The following SLCO3A1 variants were observed in gnomAD, a reference collection of about 807,000 sequenced individuals.
SLCO3A1 encodes the protein solute carrier organic anion transporter family member 3A1.
A neutral mutation model predicts 63.1 loss-of-function variants in SLCO3A1; 27 were observed. The observed-to-expected ratio is 0.43, with a 90% CI of 0.32 to 0.59. The LOEUF (loss-of-function observed/expected upper bound fraction) is 0.59. Among genes scored for constraint, SLCO3A1 ranks in the 20% least tolerant of loss-of-function variants. The pLI is 0.09. For missense variants in SLCO3A1, 773 were observed against 945.8 expected, an observed-to-expected ratio of 0.82 and a Z score of 2.40; for synonymous variants, 473 against 409.9, an observed-to-expected ratio of 1.15 and a Z score of -1.86.
chr15:92,103,977 C>T (rs2047636674), intron 3 of SLCO3A1, among the ~76,000 whole-genome samples: 1 of 152,212 alleles, frequency 6.6e-6, no homozygotes. Context: ...CTTAGCAGTG[C>T]TGCCAAGCCA....
intron 2 of SLCO3A1, among the ~76,000 whole-genome samples, chr15:91,995,382 T>C: frequency 6.6e-6 from 1 of 152,206 alleles, no homozygotes; most frequent in Admixed American, 6.5e-5. Flanking sequence ...TGGGATAATG[T>C]GGGGTACCAT....
intron 2 of SLCO3A1, among the ~76,000 whole-genome samples, chr15:91,919,275 C>T (rs540010924): frequency 1.2e-4 from 18 of 152,362 alleles, no homozygotes; most frequent in African/African-American, 1.2e-4. Context: ...GTGGCTGAGC[C>T]GCTGCCAGAT....
intron 2 of SLCO3A1, among the ~76,000 whole-genome samples, chr15:92,066,576 T>G (rs1382772888): frequency 6.6e-6 from 1 of 152,218 alleles, no homozygotes; most frequent in Non-Finnish European, 1.5e-5. Flanking sequence ...TCCATATTCT[T>G]CTATTTACTC....
rs1274088995 is a variant in SLCO3A1, at chr15:91,856,764, A to AC, written c.180+2677dup. On this transcript the variant is annotated intron_variant, in intron 1 of 9. Coordinates refer to ENST00000318445, the MANE Select transcript of SLCO3A1 (RefSeq NM_013272.4). This position sits in a 1 kb window ranked among gnomAD's most constrained non-coding sequence, Gnocchi z 4.9. ...TACTTGAGGAAGGACTTGCCTTGGGACAGTGCCAGTAATGCTCCCTTTCAC... is the reference window on the plus strand; with the variant it reads ...TACTTGAGGAAGGACTTGCCTTGGGACCAGTGCCAGTAATGCTCCCTTTCAC... Among the ~76,000 whole-genome samples the AC allele has an allele frequency of 2.0e-5, 3 of 152,142 alleles. No homozygotes were observed. Among genetic ancestry groups the AC allele is most frequent in the African/African-American group, 7.2e-5 (3 of 41,418 alleles).
In SLCO3A1 at chr15:91,947,969, G is replaced by T. The variant is rs545909279; in HGVS notation, c.646+31511G>T. On this transcript the variant is annotated intron_variant, in intron 2 of 9. Transcript: ENST00000318445. ...AGTGACTGCAGCCCAGTTAGCAGGGGCTTTTCCAGTTCCATGTGAGAATTG... is the reference window on the plus strand; with the variant it reads ...AGTGACTGCAGCCCAGTTAGCAGGGTCTTTTCCAGTTCCATGTGAGAATTG... 2.0e-5 allele frequency among the ~76,000 whole-genome samples: 3 copies of T among 152,290 alleles called. No individual in the cohort carries two copies. In the South Asian group the frequency reaches 6.2e-4, roughly 32 times the overall value.
At chr15:91,917,325 A>G (rs377039284) in intron 2 of SLCO3A1, among the ~76,000 whole-genome samples, 82 of 152,326 alleles carry the variant, frequency 5.4e-4, no homozygotes, top group Non-Finnish European at 1.0e-3. Context: ...CCCAAAAGCA[A>G]TGTGCCTTGA....
At position 92,147,234 on chromosome 15, in the gene SLCO3A1, C is replaced by G. The variant is rs189387138; in HGVS notation, c.1688+75C>G. 2,915 of 1,419,242 alleles carry G rather than the reference C, an allele frequency of 2.1e-3. 4 individuals carry two copies. The highest frequency in any genetic ancestry group is 3.8e-3 in the Middle Eastern group (21 of 5,484). 87.9% of individuals were successfully genotyped at this position (1,419,242 alleles called of 1,614,324 possible). A position where few individuals can be genotyped will look rare whatever the true frequency, so the allele number is the denominator to read the frequency against. ...TCTGCAGGCCTCCTAGGGACCAGAG[C>G]TTCAGACAACAGGAATCTCTCGAAC... On this transcript the variant is annotated intron_variant, in intron 8 of 9. Transcript: ENST00000318445.
chr15:91,982,676 A>T (rs2151437656), intron 2 of SLCO3A1, among the ~76,000 whole-genome samples: 1 of 152,370 alleles, frequency 6.6e-6, no homozygotes, highest in East Asian at 1.9e-4. Context: ...AATAAGGAAG[A>T]TGCGTGTCCT....
intron 3 of SLCO3A1, among the ~76,000 whole-genome samples, chr15:92,103,937 A>T (rs2047636115): frequency 3.9e-5 from 6 of 152,180 alleles, no homozygotes. Context: ...TCTGAACAAT[A>T]AACATTTCCT....
At chr15:92,011,070 G>C (rs2046363566) in intron 2 of SLCO3A1, among the ~76,000 whole-genome samples, 1 of 152,170 alleles carries the variant, frequency 6.6e-6, no homozygotes, top group South Asian at 2.1e-4. Context: ...TAGCCTTCAA[G>C]GCTCTACATG....
chr15:92,040,513 C>A (rs766298055), intron 2 of SLCO3A1, among the ~76,000 whole-genome samples: 1 of 152,066 alleles, frequency 6.6e-6, no homozygotes, highest in Non-Finnish European at 1.5e-5. Flanking sequence ...AGTTCCAGGC[C>A]CAGGAAATGG....
chr15:92,124,327 A>C (rs778917850), intron 5 of SLCO3A1, among the ~76,000 whole-genome samples: 1 of 152,168 alleles, frequency 6.6e-6, no homozygotes, highest in Non-Finnish European at 1.5e-5. Flanking sequence ...CACATACATC[A>C]GGGAGGGAGG....
At chr15:91,877,080 A>G (rs955768340) in intron 1 of SLCO3A1, among the ~76,000 whole-genome samples, 3 of 152,208 alleles carry the variant, frequency 2.0e-5, no homozygotes, top group African/African-American at 7.2e-5. Flanking sequence ...ATTATGTGCA[A>G]CTTATGTGAC....
At chr15:92,037,755 C>T (rs1567081076) in intron 2 of SLCO3A1, among the ~76,000 whole-genome samples, 1 of 152,214 alleles carries the variant, frequency 6.6e-6, no homozygotes, top group Non-Finnish European at 1.5e-5. Context: ...TGCCTTGCTC[C>T]AGCAGTTCAT....
chr15:92,112,886 A>G (rs2238360), intron 4 of SLCO3A1, among the ~76,000 whole-genome samples: 59,298 of 152,084 alleles, frequency 0.39, 12,369 homozygotes, highest in East Asian at 0.53. Context: ...TCTTTTATGA[A>G]TGTCAGTATT....
chr15:91,929,612 A>C (rs1324438679), intron 2 of SLCO3A1, among the ~76,000 whole-genome samples: 2 of 152,202 alleles, frequency 1.3e-5, no homozygotes, highest in East Asian at 3.8e-4. Context: ...TGATAGTGTT[A>C]AGCACATTCA....
At position 91,882,990 on chromosome 15, in the gene SLCO3A1, A is replaced by G. The variant is rs941107258; in HGVS notation, c.180+28902A>G. ...CTATTAATGCCCAGTGAGTAAGGGAATGACAGATGGGACAGCAGCCACCAT... is the reference window on the plus strand; with the variant it reads ...CTATTAATGCCCAGTGAGTAAGGGAGTGACAGATGGGACAGCAGCCACCAT... On this transcript the variant is annotated intron_variant, in intron 1 of 9. Transcript: ENST00000318445. The surrounding 1 kb of genome is among the most constrained non-coding windows in gnomAD (Gnocchi z 4.4). Among the ~76,000 whole-genome samples, 3 of 152,214 alleles carry G rather than the reference A, an allele frequency of 2.0e-5. No individual in the cohort carries two copies. The highest frequency in any genetic ancestry group is 7.2e-5 in the African/African-American group (3 of 41,452).
chr15:92,080,881 G>A (rs1596082270), intron 2 of SLCO3A1, among the ~76,000 whole-genome samples: 1 of 150,722 alleles, frequency 6.6e-6, no homozygotes, highest in East Asian at 2.0e-4. Context: ...GTGCCCAGAT[G>A]CATTTTTTTT....
Position 91,854,387 on chromosome 15 carries a change from C to T in SLCO3A1, c.180+299C>T. The T allele has an allele frequency of 9.4e-7, 1 of 1,058,564 alleles. No individual in the cohort carries two copies. The highest frequency in any genetic ancestry group is 1.1e-6 in the Non-Finnish European group (1 of 874,790). 65.6% of individuals were successfully genotyped at this position (1,058,564 alleles called of 1,614,324 possible). Reference sequence around the variant, plus strand: ...AGGTGGGCGTGAAACTATTCCTCTCCCCCCATAAGAGCGGAGCGAGACGGT... The same window carrying T: ...AGGTGGGCGTGAAACTATTCCTCTCTCCCCATAAGAGCGGAGCGAGACGGT... On this transcript the variant is annotated intron_variant, in intron 1 of 9. Transcript: ENST00000318445. This position sits in a 1 kb window ranked among gnomAD's most constrained non-coding sequence, Gnocchi z 6.4.
Sources: allele counts gnomAD v4.1 joint callset (sites outside exome capture counted in the v4.1 genomes callset), GRCh38; gene constraint gnomAD v4.1.1; non-coding constraint Gnocchi (gnomAD v3.1); transcripts MANE v1.5; gene names NCBI Gene and HGNC (gene_info 2026-07-23, HGNC 2026-07-21).